The following TBC1D21 variants were observed in gnomAD, a reference collection of about 807,000 sequenced individuals.
The protein encoded by TBC1D21 is TBC1 domain family member 21.
Under a neutral mutation model 46.0 loss-of-function variants are expected in TBC1D21, and 38 were observed. That is an observed-to-expected ratio of 0.83 (90% confidence interval 0.64 to 1.08). The LOEUF is 1.08. Among genes scored for constraint, TBC1D21 ranks in the 50% least tolerant of loss-of-function variants. The pLI is 0.00. For missense variants in TBC1D21, 415 were observed against 417.9 expected (o/e 0.99, Z 0.06); for synonymous variants, 151 against 157.2 (o/e 0.96, Z 0.29).
At chr15:73,903,822 G>A in the TBC1D21 span, among the ~76,000 whole-genome samples, 1 of 152,168 alleles carries the variant, frequency 6.6e-6, no homozygotes, top group Non-Finnish European at 1.5e-5. Flanking sequence ...TTGGGAGGCC[G>A]AGGGGCTTGA....
rs148959341 is a variant in TBC1D21, at chr15:73,888,484, G to A, written c.949G>A (p.Val317Met). 7.8e-5 allele frequency: 126 copies of A among 1,614,094 alleles called. No homozygotes were observed. In the African/African-American group the frequency reaches 1.4e-3, roughly 18 times the overall value. Residue 317 changes from valine (V) to methionine (M), a missense_variant, in exon 10 of 11, where the codon GTG becomes ATG. Coordinates refer to ENST00000300504, the MANE Select transcript of TBC1D21 (RefSeq NM_153356.3). ...TGATGAGCTGATCTCTGCCGCCTGC[G>A]TGGTTTATGCTGAGCTCATCCAGAA... ...DADELISAACVVYAELIQKDV... is the reference protein window; with the variant it reads ...DADELISAACMVYAELIQKDV...
chr15:73,909,936 C>T, the TBC1D21 span: 1 of 152,300 alleles, frequency 6.6e-6, no homozygotes, highest in African/African-American at 2.4e-5. Context: ...GGCCCACCCA[C>T]ATCCCCGCCC....
intron 4 of TBC1D21, 124 bp downstream of exon 4, chr15:73,884,369 G>A (rs2068205926): frequency 1.1e-6 from 1 of 911,686 alleles, no homozygotes; most frequent in Non-Finnish European, 1.8e-6. Context: ...ACTTGTGCCT[G>A]GAGTTTCGCC....
At chr15:73,903,836 G>A in the TBC1D21 span, among the ~76,000 whole-genome samples, 1 of 152,094 alleles carries the variant, frequency 6.6e-6, no homozygotes, top group Non-Finnish European at 1.5e-5. Context: ...GGCTTGAGGT[G>A]AGGAGTTCGA....
chr15:73,895,610 C>T, the TBC1D21 span, among the ~76,000 whole-genome samples: 1 of 152,220 alleles, frequency 6.6e-6, no homozygotes, highest in Non-Finnish European at 1.5e-5. Flanking sequence ...GTGCAGCATT[C>T]AGAGGCTGGG....
chr15:73,897,878 C>T, the TBC1D21 span, among the ~76,000 whole-genome samples: 2 of 152,252 alleles, frequency 1.3e-5, no homozygotes, highest in Non-Finnish European at 2.9e-5. Context: ...GAAGCATTTC[C>T]CAGCAGCCCT....
In TBC1D21 at chr15:73,884,836, C is replaced by A; in HGVS notation, c.423C>A (p.Asp141Glu). Reference sequence around the variant, plus strand: ...ATCCCCTGGGCAACGTCCTCATCGACAAGAAGAGGCTAGAGAAGATCCTGC... The same window carrying A: ...ATCCCCTGGGCAACGTCCTCATCGAAAAGAAGAGGCTAGAGAAGATCCTGC... ...DKDPLGNVLI[D>E]KKRLEKILLL... Residue 141 changes from aspartate (D) to glutamate (E), a missense_variant, in exon 5 of 11, where the codon GAC (aspartate) becomes GAA (glutamate). Physicochemically the swap from Asp to Glu is conservative, Grantham distance 45. Transcript: ENST00000300504. 1 of 1,614,158 alleles carries A rather than the reference C, an allele frequency of 6.2e-7. No homozygotes were observed. The highest frequency in any genetic ancestry group is 8.5e-7 in the Non-Finnish European group (1 of 1,180,018).
rs371123275 is a variant in TBC1D21, at chr15:73,889,135, G to A, written c.*34G>A. On this transcript the variant is annotated 3_prime_UTR_variant, in exon 11 of 11. Coordinates refer to ENST00000300504, the MANE Select transcript of TBC1D21 (RefSeq NM_153356.3). ...AAGCCCGCAGTGGACTGATGCCTTC[G>A]ATGGGCAGGATGAAGGCCAGGGGCA... is the stretch of plus-strand genomic sequence containing the variant. 8.1e-6 allele frequency: 13 copies of A among 1,607,414 alleles called. No homozygotes were observed. The African/African-American group carries it at 9.3e-5, about 12-fold the overall frequency.
chr15:73,902,647 CCCT>C, the TBC1D21 span, among the ~76,000 whole-genome samples: 3 of 152,200 alleles, frequency 2.0e-5, no homozygotes, highest in African/African-American at 7.2e-5. Flanking sequence ...CCTGCCTCTC[CCCT>C]CGACTGTGCA....
chr15:73,885,946 CAT>C, intron 6 of TBC1D21, 130 bp from the exon 7 acceptor site: 1 of 682,410 alleles, frequency 1.5e-6, no homozygotes, highest in Non-Finnish European at 2.6e-6. Flanking sequence ...CACTCAGACT[CAT>C]AGAGACATGG....
intron 1 of TBC1D21, 51 bp downstream of exon 1, chr15:73,873,820 G>T: frequency 6.3e-6 from 10 of 1,580,864 alleles, no homozygotes; most frequent in South Asian, 1.1e-5. Context: ...CCTCTGGTTG[G>T]CACTGGGACC....
At chr15:73,880,720 G>A (rs568382018) in intron 1 of TBC1D21, among the ~76,000 whole-genome samples, 1 of 152,038 alleles carries the variant, frequency 6.6e-6, no homozygotes, top group Non-Finnish European at 1.5e-5. Context: ...GCAGTGAGCC[G>A]AGATCCACCA....
At chr15:73,886,392 C>T (rs1349113236) in intron 7 of TBC1D21, 120 bp from the exon 8 acceptor site, 10 of 981,652 alleles carry the variant, frequency 1.0e-5, no homozygotes, top group African/African-American at 3.2e-5. Flanking sequence ...GGAAAAGGGG[C>T]GGCAGGCTTT....
the TBC1D21 span, among the ~76,000 whole-genome samples, chr15:73,895,266 G>A: frequency 6.6e-6 from 1 of 152,194 alleles, no homozygotes; most frequent in Non-Finnish European, 1.5e-5. Context: ...GGGAGTTCAA[G>A]GAAGTCCTCA....
At chr15:73,886,013 G>C in intron 6 of TBC1D21, 65 bp from the exon 7 acceptor site, 1 of 1,393,612 alleles carries the variant, frequency 7.2e-7, no homozygotes, top group South Asian at 1.2e-5. Context: ...GGGGGAAGCA[G>C]AGTTGACTCT....
At chr15:73,894,567 T>C in the TBC1D21 span, among the ~76,000 whole-genome samples, 1 of 152,130 alleles carries the variant, frequency 6.6e-6, no homozygotes, top group African/African-American at 2.4e-5. Context: ...AGGAAGTCAG[T>C]CTGCAGGGGT....
At chr15:73,905,083 A>C in the TBC1D21 span, among the ~76,000 whole-genome samples, 3 of 152,326 alleles carry the variant, frequency 2.0e-5, no homozygotes, top group South Asian at 6.2e-4. Context: ...GCTGGGGCCC[A>C]CGGTGCATGA....
At chr15:73,882,879 C>T (rs1174690177) in intron 3 of TBC1D21, among the ~76,000 whole-genome samples, 2 of 152,234 alleles carry the variant, frequency 1.3e-5, no homozygotes, top group Non-Finnish European at 2.9e-5. Context: ...ACCCTGGGCA[C>T]TTGGTCCCAC....
At chr15:73,905,188 T>C in the TBC1D21 span, among the ~76,000 whole-genome samples, 1 of 152,206 alleles carries the variant, frequency 6.6e-6, no homozygotes, top group Non-Finnish European at 1.5e-5. Flanking sequence ...TAGGTGTCCA[T>C]CAACTACTTG....
Sources: gnomAD v4.1 joint callset for allele counts (sites outside exome capture counted in the v4.1 genomes callset) on GRCh38, gnomAD v4.1.1 for gene constraint, MANE v1.5 for transcripts, NCBI Gene and HGNC (gene_info 2026-07-23, HGNC 2026-07-21) for gene names.